The following CATSPERE variants were observed in gnomAD, a reference collection of about 807,000 sequenced individuals.
The protein encoded by CATSPERE is cation channel sperm-associated auxiliary subunit epsilon.
Under a neutral mutation model 114.1 loss-of-function variants are expected in CATSPERE, and 93 were observed. The observed-to-expected ratio is 0.81, with a 90% CI of 0.69 to 0.97. CATSPERE has a LOEUF of 0.97. CATSPERE is among the 50% of genes least tolerant of loss of function. CATSPERE has a pLI of 0.00. For missense variants in CATSPERE, 1,058 were observed against 1,131.6 expected, an observed-to-expected ratio of 0.93 and a Z score of 0.93; for synonymous variants, 341 against 384.1, an observed-to-expected ratio of 0.89 and a Z score of 1.31.
chr1:244,526,864 C>T (rs1480225675), intron 8 of CATSPERE, among the ~76,000 whole-genome samples: 4 of 151,872 alleles, frequency 2.6e-5, no homozygotes, highest in African/African-American at 7.3e-5. Flanking sequence ...GCTGGGTATC[C>T]GGGGGAGACA....
intron 2 of CATSPERE, among the ~76,000 whole-genome samples, chr1:244,467,906 T>A (rs1452159202): frequency 6.6e-6 from 1 of 152,172 alleles, no homozygotes; most frequent in African/African-American, 2.4e-5. Context: ...GCAAGAGGAA[T>A]CTATGTAATA....
intron 5 of CATSPERE, among the ~76,000 whole-genome samples, 177 bp from the exon 6 acceptor site, chr1:244,490,270 G>C (rs571989983): frequency 2.0e-5 from 3 of 152,218 alleles, no homozygotes; most frequent in South Asian, 4.1e-4. Context: ...TAACGATATT[G>C]ATAAATAAAT....
upstream of CATSPERE, among the ~76,000 whole-genome samples, chr1:244,452,433 TA>T (rs1478853082): frequency 6.6e-6 from 1 of 152,216 alleles, no homozygotes; most frequent in Non-Finnish European, 1.5e-5. Context: ...CGTGTAAGTG[TA>T]GAATTGGAAA....
rs1343233223 is a variant in CATSPERE at position 244,633,548 on chromosome 1, C to A, written c.2649-1941C>A. Among the ~76,000 whole-genome samples, 1 of 152,118 alleles carries A rather than the reference C, an allele frequency of 6.6e-6. No homozygotes were observed. The highest frequency in any genetic ancestry group is 1.5e-5 in the Non-Finnish European group (1 of 68,014). On this transcript the variant is annotated intron_variant, in intron 20 of 21. Coordinates refer to ENST00000366534, the MANE Select transcript of CATSPERE (RefSeq NM_001130957.2). This position sits in a 1 kb window ranked among gnomAD's most constrained non-coding sequence, Gnocchi z 4.1. ...CAAAAACAGTCATGACTCCTTTATA[C>A]AAAAAGGGTAAAGTCAAAATTCCTA...
intron 13 of CATSPERE, among the ~76,000 whole-genome samples, chr1:244,586,540 A>G (rs184608441): frequency 7.9e-5 from 12 of 152,276 alleles, no homozygotes; most frequent in Non-Finnish European, 1.3e-4. Context: ...CTTGAAGTCA[A>G]GTGGTCCAGG....
upstream of CATSPERE, among the ~76,000 whole-genome samples, chr1:244,452,580 G>C (rs1665706447): frequency 1.3e-5 from 2 of 152,164 alleles, no homozygotes; most frequent in Non-Finnish European, 2.9e-5. Flanking sequence ...TTACATAGTA[G>C]TAACAAAGGC....
intron 8 of CATSPERE, among the ~76,000 whole-genome samples, chr1:244,547,437 G>A (rs569432849): frequency 1.8e-4 from 28 of 152,244 alleles, no homozygotes; most frequent in African/African-American, 6.3e-4. Flanking sequence ...ATACTGTAAT[G>A]ATGGTTTGTA....
rs373490065 is a variant in CATSPERE, at chr1:244,591,767, A to G, written c.2189+36A>G. 5.7e-6 allele frequency: 7 copies of G among 1,237,178 alleles called. No homozygotes were observed. The African/African-American group carries it at 6.0e-5, about 11-fold the overall frequency. The allele number at this position is 1,237,178 out of a possible 1,614,324, so 76.6% of individuals were successfully genotyped here. A position where few individuals can be genotyped will look rare whatever the true frequency, so the allele number is the denominator to read the frequency against. On this transcript the variant is annotated intron_variant, in intron 15 of 21. Coordinates refer to ENST00000366534, the MANE Select transcript of CATSPERE (RefSeq NM_001130957.2). ...TTTTAACATAAGCACTGAGTTTTATATTAACGTAGTACCAATACTTTACAA... is the reference window on the plus strand; with the variant it reads ...TTTTAACATAAGCACTGAGTTTTATGTTAACGTAGTACCAATACTTTACAA...
chr1:244,465,836 T>C (rs1219219776), intron 2 of CATSPERE, among the ~76,000 whole-genome samples: 1 of 152,216 alleles, frequency 6.6e-6, no homozygotes, highest in Non-Finnish European at 1.5e-5. Context: ...CATTATGATA[T>C]TGAATCTTCC....
chr1:244,520,772 A>G (rs1677406941), intron 8 of CATSPERE, among the ~76,000 whole-genome samples: 1 of 152,210 alleles, frequency 6.6e-6, no homozygotes, highest in East Asian at 1.9e-4. Flanking sequence ...GTGGGCCCCA[A>G]TTCCACAGCA....
chr1:244,639,521 C>G (rs1299092061), intron 21 of CATSPERE, among the ~76,000 whole-genome samples: 2 of 152,168 alleles, frequency 1.3e-5, no homozygotes, highest in Non-Finnish European at 2.9e-5. Context: ...GAAACCCCGT[C>G]TCTACTAAAA....
chr1:244,460,998 T>C (rs1666650679), upstream of CATSPERE, among the ~76,000 whole-genome samples: 1 of 152,246 alleles, frequency 6.6e-6, no homozygotes, highest in African/African-American at 2.4e-5. Flanking sequence ...TATTGCAGTG[T>C]CTATACGCAG....
At chr1:244,600,700 A>T (rs1350075067) in intron 17 of CATSPERE, among the ~76,000 whole-genome samples, 1 of 151,980 alleles carries the variant, frequency 6.6e-6, no homozygotes, top group African/African-American at 2.4e-5. Context: ...CAAAGAATCG[A>T]TCAAATCCAG....
At chr1:244,553,736 ATGTT>A in intron 9 of CATSPERE, among the ~76,000 whole-genome samples, 1 of 151,796 alleles carries the variant, frequency 6.6e-6, no homozygotes, top group South Asian at 2.1e-4. Context: ...ATCGAACTGT[ATGTT>A]AGTTAGATAT....
At chr1:244,451,255 T>C (rs556083493), upstream of CATSPERE, among the ~76,000 whole-genome samples, 4 of 151,636 alleles carry the variant, frequency 2.6e-5, no homozygotes, top group Admixed American at 1.3e-4. The surrounding 1 kb of genome is among the most constrained non-coding windows in gnomAD (Gnocchi z 6.6). Context: ...GTCGGAAGAG[T>C]TGGGAGCAGG....
intron 18 of CATSPERE, among the ~76,000 whole-genome samples, chr1:244,608,599 C>A (rs1670305924): frequency 6.6e-6 from 1 of 152,026 alleles, no homozygotes; most frequent in Admixed American, 6.6e-5. Context: ...AACCCCCAAT[C>A]CTTTAGCTAT....
intron 17 of CATSPERE, among the ~76,000 whole-genome samples, chr1:244,604,490 G>A (rs957438639): frequency 6.6e-6 from 1 of 152,236 alleles, no homozygotes; most frequent in Non-Finnish European, 1.5e-5. Flanking sequence ...AAGCAGAGAT[G>A]GGGCAGTGAG....
chr1:244,570,568 A>AT (rs1664284636), intron 10 of CATSPERE, among the ~76,000 whole-genome samples: 1 of 152,156 alleles, frequency 6.6e-6, no homozygotes, highest in Admixed American at 6.6e-5. Flanking sequence ...AAGGCTATGA[A>AT]TTTTTCTCTG....
At chr1:244,571,561 A>G (rs945493872) in intron 10 of CATSPERE, among the ~76,000 whole-genome samples, 1 of 152,230 alleles carries the variant, frequency 6.6e-6, no homozygotes, top group African/African-American at 2.4e-5. Flanking sequence ...GTGAACCTGC[A>G]GAGGTAGGCT....
Sources: gnomAD v4.1 joint callset for allele counts (sites outside exome capture counted in the v4.1 genomes callset) on GRCh38, gnomAD v4.1.1 for gene constraint, Gnocchi (gnomAD v3.1) non-coding constraint, MANE v1.5 for transcripts, NCBI Gene and HGNC (gene_info 2026-07-23, HGNC 2026-07-21) for gene names.